The following ZNF16 variants were observed in gnomAD, a reference collection of about 807,000 sequenced individuals.
ZNF16 encodes zinc finger protein KOX9.
In ZNF16, 7 loss-of-function variants were observed where a neutral mutation model predicts 9.0. The observed-to-expected ratio is 0.78, with a 90% CI of 0.44 to 1.47. ZNF16 has a LOEUF of 1.47. ZNF16 is among the 40% of genes most tolerant of loss of function. The pLI is 0.01. For synonymous variants in ZNF16, 312 were observed against 301.5 expected, an observed-to-expected ratio of 1.03 and a Z score of -0.36; for missense variants, 830 against 854.2, an observed-to-expected ratio of 0.97 and a Z score of 0.35.
chr8:144,945,982 G>A (rs754811925), intron 2 of ZNF16, 29 bp downstream of exon 2: 8 of 1,611,110 alleles, frequency 5.0e-6, no homozygotes, highest in Non-Finnish European at 6.8e-6. Flanking sequence ...CAGAATAAGG[G>A]CACCAGCGGA....
chr8:144,950,468 C>T (rs1159205627), intron 1 of ZNF16: 3 of 152,230 alleles, frequency 2.0e-5, no homozygotes, highest in East Asian at 3.9e-4. Context: ...CGCCCGAGCT[C>T]GAATGGTGGC....
chr8:144,935,605 A>G (rs1833663908), intron 2 of ZNF16, among the ~76,000 whole-genome samples: 1 of 152,274 alleles, frequency 6.6e-6, no homozygotes, highest in East Asian at 1.9e-4. Context: ...CTGACACCCA[A>G]TTGGAAAAAA....
chr8:144,930,673 G>T lies in ZNF16; in HGVS notation c.*65C>A. ...CGGTCTGGGAAGTGGCAGAGGCTGA[G>T]ACAATGGCCAAAGAGGAGTTGGAGA... On this transcript the variant is annotated 3_prime_UTR_variant, in exon 3 of 3. Transcript: ENST00000394909. The T allele has an allele frequency of 6.7e-7, 1 of 1,501,464 alleles. No homozygotes were observed. 93.0% of individuals were successfully genotyped at this position (1,501,464 alleles called of 1,614,324 possible). A position where few individuals can be genotyped will look rare whatever the true frequency, so the allele number is the denominator to read the frequency against.
Position 144,949,708 on chromosome 8 carries a change from C to T in ZNF16, c.-10+1089G>A, listed in dbSNP as rs773370738. On this transcript the variant is annotated intron_variant, in intron 1 of 2. Transcript: ENST00000394909. ...CAAGCAGATGCTTGGTAAAAGTCAT[C>T]GCCATTCTCCAGTCTCAATAAACCA... Among the ~76,000 whole-genome samples, 17 of 152,154 alleles carry T rather than the reference C, an allele frequency of 1.1e-4. 1 individual carries two copies. The highest frequency in any genetic ancestry group is 6.2e-4 in the South Asian group (3 of 4,834).
chr8:144,950,802 CGGG>C lies in ZNF16; in HGVS notation c.-18_-16del, dbSNP rs1834098952. ...TGGAGCTTCGCGGAACTAACCTCAA[CGGG>C]TCGCGCTTGGAAAGGAGGCAGCACC... On this transcript the variant is annotated 5_prime_UTR_variant, in exon 1 of 3. Transcript: ENST00000394909. 6.6e-6 allele frequency: 1 copy of C among 152,228 alleles called. No homozygotes were observed. The highest frequency in any genetic ancestry group is 1.5e-5 in the Non-Finnish European group (1 of 68,068). 9.4% of individuals were successfully genotyped at this position (152,228 alleles called of 1,614,324 possible).
intron 2 of ZNF16, among the ~76,000 whole-genome samples, chr8:144,935,986 T>G (rs1833673057): frequency 6.6e-6 from 1 of 152,200 alleles, no homozygotes. Flanking sequence ...CGGCATTTAG[T>G]ACATCTATAA....
chr8:144,943,670 T>C (rs1352354737), intron 2 of ZNF16, among the ~76,000 whole-genome samples: 1 of 150,704 alleles, frequency 6.6e-6, no homozygotes, highest in East Asian at 2.0e-4. Context: ...CAGGCATGCA[T>C]CACCACGCCT....
At chr8:144,948,948 G>T (rs890518743) in intron 1 of ZNF16, among the ~76,000 whole-genome samples, 1 of 152,212 alleles carries the variant, frequency 6.6e-6, no homozygotes. Context: ...AATCAAATGA[G>T]CCCTTAAAAG....
At position 144,930,483 on chromosome 8, in the gene ZNF16, AC is replaced by A; in HGVS notation, c.*254del. 2 of 423,120 alleles carry A rather than the reference AC, an allele frequency of 4.7e-6. No homozygotes were observed. The highest frequency in any genetic ancestry group is 1.6e-4 in the South Asian group (2 of 12,446). The allele number at this position is 423,120 out of a possible 1,614,324, so 26.2% of individuals were successfully genotyped here. A position where few individuals can be genotyped will look rare whatever the true frequency, so the allele number is the denominator to read the frequency against. On this transcript the variant is annotated 3_prime_UTR_variant, in exon 3 of 3. Coordinates refer to ENST00000394909, the MANE Select transcript of ZNF16 (RefSeq NM_006958.3). ...AGCCTCCATAATCTTCTCCCTTGTAACAAACGTGCAGTCCGTTCACAAGCTG... is the reference window on the plus strand; with the variant it reads ...AGCCTCCATAATCTTCTCCCTTGTAAAAACGTGCAGTCCGTTCACAAGCTG...
chr8:144,944,499 G>A (rs1833881551), intron 2 of ZNF16: 1 of 152,344 alleles, frequency 6.6e-6, no homozygotes. Context: ...ACAGGTGTGA[G>A]CCACCATGCC....
At chr8:144,936,610 T>G (rs937328317) in intron 2 of ZNF16, among the ~76,000 whole-genome samples, 1 of 152,242 alleles carries the variant, frequency 6.6e-6, no homozygotes, top group Non-Finnish European at 1.5e-5. Context: ...CATTATGGTT[T>G]TGATTTGCAT....
In ZNF16 at chr8:144,930,772, A is replaced by G. The variant is rs759224820; in HGVS notation, c.2015T>C (p.Leu672Ser). 18 of 1,534,644 alleles carry G rather than the reference A, an allele frequency of 1.2e-5. No homozygotes were observed. Among genetic ancestry groups the G allele is most frequent in the Non-Finnish European group, 1.6e-5 (18 of 1,143,768 alleles). Residue 672 changes from leucine (L) to serine (S), a missense_variant, in exon 3 of 3, where the codon TTG (leucine) becomes TCG (serine). Transcript: ENST00000394909. ...GGTGTGAATCAACTGGTGTTTGATC[A>G]ACTTTGATCGCTGGCTGAAGGCTTT... Reference protein sequence around the residue: ...CGKAFSQRSKLIKHQLIHTRE With the variant: ...CGKAFSQRSKSIKHQLIHTRE
chr8:144,950,679 G>A (rs1350684817), intron 1 of ZNF16, 118 bp downstream of exon 1: 1 of 151,342 alleles, frequency 6.6e-6, no homozygotes, highest in East Asian at 2.0e-4. Flanking sequence ...CCCGCCCGGG[G>A]TCCCCAGCTC....
chr8:144,931,753 C>G lies in ZNF16; in HGVS notation c.1034G>C (p.Gly345Ala). 1 of 1,614,114 alleles carries G rather than the reference C, an allele frequency of 6.2e-7. No homozygotes were observed. The highest frequency in any genetic ancestry group is 8.5e-7 in the Non-Finnish European group (1 of 1,179,980). The change falls in exon 3 of 3, where the codon GGG becomes GCG. Residue 345 changes from glycine to alanine, a missense_variant. Transcript: ENST00000394909. Reference protein sequence around the residue: ...NLIQHQRIHSGEKPYVCSECG... With the variant: ...NLIQHQRIHSAEKPYVCSECG... Reference sequence around the variant, plus strand: ...CTCACTGCACACATACGGTTTCTCCCCAGAATGGATTCTTTGATGTTGGAT... The same window carrying G: ...CTCACTGCACACATACGGTTTCTCCGCAGAATGGATTCTTTGATGTTGGAT...
Position 144,931,907 on chromosome 8 carries a change from T to C in ZNF16, c.880A>G (p.Met294Val), listed in dbSNP as rs752872503. 6.8e-5 allele frequency: 110 copies of C among 1,614,046 alleles called. No individual in the cohort carries two copies. The highest frequency in any genetic ancestry group is 8.8e-5 in the Non-Finnish European group (104 of 1,180,044). ...AAGGCTTTTCCACATTCATTACACA[T>C]ATAAGGCCTCTCACTGCTGTGGTGA... ...QSHHSSERPYMCNECGKAFSQ... is the reference protein window; with the variant it reads ...QSHHSSERPYVCNECGKAFSQ... Residue 294 changes from methionine to valine, a missense_variant, in exon 3 of 3, where the codon ATG (methionine) becomes GTG (valine). Physicochemically the swap from Met to Val is conservative, Grantham distance 21. Coordinates refer to ENST00000394909, the MANE Select transcript of ZNF16 (RefSeq NM_006958.3).
At chr8:144,946,537 C>CTGTGGGT in intron 1 of ZNF16, among the ~76,000 whole-genome samples, 2 of 135,354 alleles carry the variant, frequency 1.5e-5, no homozygotes, top group Non-Finnish European at 1.6e-5. Context: ...TGCTGTGGGG[C>CTGTGGGT]CTGTGTACTG....
chr8:144,945,533 A>C (rs1833904166), intron 2 of ZNF16: 1 of 152,908 alleles, frequency 6.5e-6, no homozygotes, highest in Admixed American at 6.5e-5. Context: ...TTGGCCTCTC[A>C]AAGTGCTCAG....
At chr8:144,949,194 C>G (rs564508011) in intron 1 of ZNF16, among the ~76,000 whole-genome samples, 3 of 152,282 alleles carry the variant, frequency 2.0e-5, no homozygotes, top group Admixed American at 2.0e-4. Flanking sequence ...GGGCCCTGGC[C>G]GATCCCTCAG....
chr8:144,932,712 T>A lies in ZNF16; in HGVS notation c.197-122A>T. ...AAGGGGAGCAGGGGATCCTCTGGGG[T>A]GGCAGTCCAGATCAGAGGGCATCAG... On this transcript the variant is annotated intron_variant, in intron 2 of 2. Transcript: ENST00000394909. This position sits in a 1 kb window ranked among gnomAD's most constrained non-coding sequence, Gnocchi z 5.0. 9.7e-7 allele frequency: 1 copy of A among 1,031,828 alleles called. No individual in the cohort carries two copies. The highest frequency in any genetic ancestry group is 1.4e-6 in the Non-Finnish European group (1 of 711,286). 63.9% of individuals were successfully genotyped at this position (1,031,828 alleles called of 1,614,324 possible).
Sources: allele counts gnomAD v4.1 joint callset (sites outside exome capture counted in the v4.1 genomes callset), GRCh38; gene constraint gnomAD v4.1.1; non-coding constraint Gnocchi (gnomAD v3.1); transcripts MANE v1.5; gene names NCBI Gene and HGNC (gene_info 2026-07-23, HGNC 2026-07-21).